The following ENPP1 variants were observed in gnomAD, a reference collection of about 807,000 sequenced individuals.
ENPP1 encodes the protein ectonucleotide pyrophosphatase/phosphodiesterase family member 1.
In ENPP1, 73 loss-of-function variants were observed where a neutral mutation model predicts 122.8. The ratio of observed to expected loss-of-function variants is 0.59; its 90% CI spans 0.49 to 0.72. ENPP1 has a LOEUF of 0.72. Ranked by LOEUF, ENPP1 falls within the 30% of genes least tolerant of loss-of-function variation. The probability of loss-of-function intolerance (pLI) is 0.00; values close to 1 mark genes in which losing one functional copy is unlikely to be tolerated. For missense variants in ENPP1, 978 were observed against 1,128.1 expected (o/e 0.87, Z 1.91); for synonymous variants, 367 against 391.6 (o/e 0.94, Z 0.74).
chr6:131,890,604 T>A lies in ENPP1; in HGVS notation c.*93T>A, dbSNP rs867732512. The A allele has an allele frequency of 8.5e-7, 1 of 1,182,424 alleles. No homozygotes were observed. 73.2% of individuals were successfully genotyped at this position (1,182,424 alleles called of 1,614,324 possible). On this transcript the variant is annotated 3_prime_UTR_variant, in exon 25 of 25. Coordinates refer to ENST00000647893, the MANE Select transcript of ENPP1 (RefSeq NM_006208.3). ...CTACACTATTGCATTGTTCAGAAAC[T>A]GTCGACCAGAGTTAGAACGGAGCCC...
chr6:131,835,678 T>G (rs906789755), intron 1 of ENPP1, among the ~76,000 whole-genome samples: 1 of 152,176 alleles, frequency 6.6e-6, no homozygotes, highest in Non-Finnish European at 1.5e-5. Flanking sequence ...CACCCAGGTA[T>G]TAAGCCCAGC....
Position 131,851,212 on chromosome 6 carries a change from A to T in ENPP1, c.501A>T (p.Ser167=). The T allele has an allele frequency of 6.2e-7, 1 of 1,614,138 alleles. No individual in the cohort carries two copies. The highest frequency in any genetic ancestry group is 8.5e-7 in the Non-Finnish European group (1 of 1,179,982). Residue 167 remains serine (S), a synonymous_variant, in exon 4 of 25, where the codon TCA becomes TCT. Transcript: ENST00000647893. ...TGACCAGAAGCCTCTGTGCCTGTTCAGATGACTGCAAGGACAAGGGCGACT... is the reference window on the plus strand; with the variant it reads ...TGACCAGAAGCCTCTGTGCCTGTTCTGATGACTGCAAGGACAAGGGCGACT... ...KRLTRSLCAC[S]DDCKDKGDCC... is the part of the protein sequence containing the mutation.
In ENPP1 at chr6:131,839,928, T is replaced by C. The variant is rs561097843; in HGVS notation, c.241-7848T>C. Among the ~76,000 whole-genome samples the C allele has an allele frequency of 2.0e-5, 3 of 152,322 alleles. No individual in the cohort carries two copies. In the South Asian group the frequency reaches 6.2e-4, roughly 32 times the overall value. ...GCTATTTTCCTACTCTTGGACATTA[T>C]GTGTATGTCTATTTTTTCTTATACA... On this transcript the variant is annotated intron_variant, in intron 1 of 24. Coordinates refer to ENST00000647893, the MANE Select transcript of ENPP1 (RefSeq NM_006208.3).
Position 131,825,478 on chromosome 6 carries a change from A to G in ENPP1, c.240+17203A>G, listed in dbSNP as rs536091465. ...GTTTATTTCCTCAATCACTCTTGCC[A>G]CATCCGTAGTGCTATGCAATGGCGC... On this transcript the variant is annotated intron_variant, in intron 1 of 24. Coordinates refer to ENST00000647893, the MANE Select transcript of ENPP1 (RefSeq NM_006208.3). Among the ~76,000 whole-genome samples, 21 of 152,338 alleles carry G rather than the reference A, an allele frequency of 1.4e-4. No individual in the cohort carries two copies. The South Asian group carries it at 4.1e-3, about 30-fold the overall frequency.
intron 1 of ENPP1, among the ~76,000 whole-genome samples, chr6:131,846,023 A>G (rs762746508): frequency 1.2e-4 from 19 of 152,138 alleles, no homozygotes; most frequent in Non-Finnish European, 2.5e-4. Context: ...ATTTTGAAGT[A>G]AGTAAGACCT....
Position 131,877,105 on chromosome 6 carries a change from C to G in ENPP1, c.1837C>G (p.Gln613Glu). 6.2e-7 allele frequency: 1 copy of G among 1,614,048 alleles called. No individual in the cohort carries two copies. Among genetic ancestry groups the G allele is most frequent in the Non-Finnish European group, 8.5e-7 (1 of 1,180,004 alleles). Residue 613 changes from glutamine to glutamate, a missense_variant, in exon 18 of 25, where the codon CAG becomes GAG. This residue lies in a region of ENPP1 where 644 missense variants were observed against 781.5 expected (regional missense o/e 0.82). Coordinates refer to ENST00000647893, the MANE Select transcript of ENPP1 (RefSeq NM_006208.3). ...KHPKEVHPLV[Q>E]CPFTRNPRDN... ...TCCCAAAGAAGTGCACCCCCTGGTA[C>G]AGTGCCCCTTCACAAGAAACCCCAG...
At chr6:131,877,851 AAAAAAAAAAAAAAAAATATAT>A (rs1782250738) in intron 18 of ENPP1, 1 of 104,810 alleles carries the variant, frequency 9.5e-6, no homozygotes, top group African/African-American at 3.8e-5. Context: ...AAAAAAAAAA[AAAAAAAAAAAAAAAAATATAT>A]ATATATATAT....
chr6:131,879,843 C>A (rs373738424), intron 19 of ENPP1, 37 bp from the exon 20 acceptor site: 3 of 1,573,912 alleles, frequency 1.9e-6, no homozygotes, highest in Non-Finnish European at 2.6e-6. Flanking sequence ...TCATATAATG[C>A]ACACTAACTA....
At chr6:131,870,087 G>A (rs1322286683) in intron 13 of ENPP1, among the ~76,000 whole-genome samples, 1 of 151,858 alleles carries the variant, frequency 6.6e-6, no homozygotes, top group African/African-American at 2.4e-5. Context: ...TGTTTTACTT[G>A]TGTGTCAGGA....
At chr6:131,885,975 A>C (rs1782372629) in intron 23 of ENPP1, among the ~76,000 whole-genome samples, 1 of 152,214 alleles carries the variant, frequency 6.6e-6, no homozygotes, top group Non-Finnish European at 1.5e-5. Context: ...ACTGCCTTAA[A>C]TTTTGAAAGA....
intron 3 of ENPP1, 81 bp from the exon 4 acceptor site, chr6:131,851,060 TC>T (rs1193148877): frequency 6.7e-7 from 1 of 1,493,008 alleles, no homozygotes; most frequent in African/African-American, 1.4e-5. Context: ...TGGATCATAC[TC>T]AGGAAGACAG....
intron 15 of ENPP1, among the ~76,000 whole-genome samples, chr6:131,873,473 C>A (rs566268498): frequency 1.6e-4 from 24 of 152,286 alleles, no homozygotes; most frequent in African/African-American, 5.5e-4. Flanking sequence ...TGCATGTCTC[C>A]TGCACATTAC....
chr6:131,826,752 C>T, intron 1 of ENPP1: 1 of 483,242 alleles, frequency 2.1e-6, no homozygotes, highest in Non-Finnish European at 3.8e-6. Flanking sequence ...GGAGAGGCTA[C>T]TCTGCAAGTA....
rs1195225190 is a variant in ENPP1, at chr6:131,851,255, T to C, written c.544T>C (p.Ser182Pro). ...GGGCGACTGCTGCATCAACTACAGT[T>C]CTGTGTGTCAAGGTCAGGTGCTCGT... ...DKGDCCINYSSVCQGEKSWVE... is the reference protein window; with the variant it reads ...DKGDCCINYSPVCQGEKSWVE... Residue 182 changes from serine (S) to proline (P), a missense_variant, in exon 4 of 25, where the codon TCT becomes CCT. Transcript: ENST00000647893. The C allele has an allele frequency of 6.2e-7, 1 of 1,614,026 alleles. No homozygotes were observed. The highest frequency in any genetic ancestry group is 1.7e-5 in the Admixed American group (1 of 59,990).
At chr6:131,857,539 C>G (rs1320669584) in intron 6 of ENPP1, among the ~76,000 whole-genome samples, 1 of 149,776 alleles carries the variant, frequency 6.7e-6, no homozygotes. Context: ...TCTCAGTAAA[C>G]TATCGCAAGA....
rs1330620398 is a variant in ENPP1, at chr6:131,813,714, T to TAA, written c.240+5440_240+5441insAA. Among the ~76,000 whole-genome samples the TAA allele has an allele frequency of 2.0e-5, 3 of 152,182 alleles. No homozygotes were observed. The East Asian group carries it at 5.8e-4, about 29-fold the overall frequency. Reference sequence around the variant, plus strand: ...TGTAACATTAATGCTGGTCAATTGTTACGCCTCAACTCCAAAAGGGAGGGA... The same window carrying TAA: ...TGTAACATTAATGCTGGTCAATTGTTAAACGCCTCAACTCCAAAAGGGAGGGA... On this transcript the variant is annotated intron_variant, in intron 1 of 24. Coordinates refer to ENST00000647893, the MANE Select transcript of ENPP1 (RefSeq NM_006208.3).
Position 131,877,051 on chromosome 6 carries a change from C to G in ENPP1, c.1783C>G (p.Leu595Val). 6.2e-7 allele frequency: 1 copy of G among 1,614,108 alleles called. No homozygotes were observed. The highest frequency in any genetic ancestry group is 8.5e-7 in the Non-Finnish European group (1 of 1,180,000). ...NGTHGSLNHL[L>V]KNPVYTPKHP... ...AACTCATGGAAGTCTTAACCACCTT[C>G]TAAAGAATCCTGTTTATACGCCAAA... Residue 595 changes from leucine to valine, a missense_variant, in exon 18 of 25, where the codon CTA (leucine) becomes GTA (valine). Leu to Val is a conservative substitution (Grantham distance 32). Transcript: ENST00000647893.
chr6:131,890,767 C>A lies in ENPP1; in HGVS notation c.*256C>A. On this transcript the variant is annotated 3_prime_UTR_variant, in exon 25 of 25. Transcript: ENST00000647893. ...TTCGGGGGAATAAAGACAGACCACA[C>A]CTAAAACTGCCTTTCTGCTTCTCTT... 1 of 483,560 alleles carries A rather than the reference C, an allele frequency of 2.1e-6. No individual in the cohort carries two copies. The highest frequency in any genetic ancestry group is 3.8e-5 in the East Asian group (1 of 26,558). 30.0% of individuals were successfully genotyped at this position (483,560 alleles called of 1,614,324 possible).
At chr6:131,869,141 G>A (rs1452884943) in intron 12 of ENPP1, among the ~76,000 whole-genome samples, 1 of 152,062 alleles carries the variant, frequency 6.6e-6, no homozygotes, top group African/African-American at 2.4e-5. Flanking sequence ...TAAATAAGAA[G>A]AAACATTAAC....
Sources: allele counts gnomAD v4.1 joint callset (sites outside exome capture counted in the v4.1 genomes callset), GRCh38; gene constraint gnomAD v4.1.1; regional missense constraint gnomAD v4.1.1; transcripts MANE v1.5; gene names NCBI Gene and HGNC (gene_info 2026-07-23, HGNC 2026-07-21).